The following CAPSL variants were observed in gnomAD, a reference collection of about 807,000 sequenced individuals.
CAPSL encodes calcyphosine like.
Under a neutral mutation model 21.3 loss-of-function variants are expected in CAPSL, and 17 were observed. The observed-to-expected ratio is 0.80, with a 90% CI of 0.55 to 1.20. CAPSL has a LOEUF of 1.20. Ranked by LOEUF, CAPSL falls within the 50% of genes most tolerant of loss-of-function variation. The probability of loss-of-function intolerance (pLI) is 0.00; values close to 1 mark genes in which losing one functional copy is unlikely to be tolerated. For synonymous variants in CAPSL, 102 were observed against 89.3 expected (o/e 1.14, Z -0.80); for missense variants, 289 against 259.3 (o/e 1.11, Z -0.79).
intron 1 of CAPSL, among the ~76,000 whole-genome samples, chr5:35,937,923 G>A (rs543713907): frequency 6.6e-6 from 1 of 152,110 alleles, no homozygotes; most frequent in Non-Finnish European, 1.5e-5. Flanking sequence ...GGCTGCCTGG[G>A]TCATTGGTGT....
intron 2 of CAPSL, among the ~76,000 whole-genome samples, chr5:35,914,332 T>G (rs1021284268): frequency 6.6e-6 from 1 of 152,152 alleles, no homozygotes; most frequent in African/African-American, 2.4e-5. Flanking sequence ...TATCCAGGAA[T>G]TGAACTAAGT....
intron 2 of CAPSL, among the ~76,000 whole-genome samples, chr5:35,919,487 C>A (rs1738480564): frequency 6.6e-6 from 1 of 152,094 alleles, no homozygotes; most frequent in Admixed American, 6.5e-5. Context: ...GATAAAGACT[C>A]AGGGTGGAAA....
intron 4 of CAPSL, among the ~76,000 whole-genome samples, chr5:35,906,487 C>T (rs1456260069): frequency 6.6e-6 from 1 of 152,148 alleles, no homozygotes; most frequent in Non-Finnish European, 1.5e-5. Flanking sequence ...CTCCTTCTCC[C>T]TCCTTTGTCC....
intron 4 of CAPSL, among the ~76,000 whole-genome samples, chr5:35,908,629 TCTC>T (rs1424183196): frequency 6.6e-6 from 1 of 152,154 alleles, no homozygotes; most frequent in Non-Finnish European, 1.5e-5. Flanking sequence ...TCCACTGACA[TCTC>T]AGTGATCAAG....
chr5:35,908,174 G>C (rs939942778), intron 4 of CAPSL, among the ~76,000 whole-genome samples: 1 of 152,196 alleles, frequency 6.6e-6, no homozygotes, highest in Admixed American at 6.5e-5. Context: ...ATACACGTGA[G>C]TGTAAGAGTC....
chr5:35,935,284 T>C (rs1738915831), intron 1 of CAPSL, among the ~76,000 whole-genome samples: 1 of 151,946 alleles, frequency 6.6e-6, no homozygotes, highest in African/African-American at 2.4e-5. Flanking sequence ...CTGTTTGTTG[T>C]CTCGGCATTC....
chr5:35,921,349 A>G (rs958519950), intron 1 of CAPSL, among the ~76,000 whole-genome samples: 1 of 152,226 alleles, frequency 6.6e-6, no homozygotes, highest in African/African-American at 2.4e-5. Flanking sequence ...AATCTTAAAT[A>G]TATCACCATT....
chr5:35,932,284 G>A (rs1363581573), intron 1 of CAPSL, among the ~76,000 whole-genome samples: 1 of 152,140 alleles, frequency 6.6e-6, no homozygotes, highest in Non-Finnish European at 1.5e-5. Context: ...TTACTCTCAT[G>A]TAAAAGAAGA....
intron 4 of CAPSL, among the ~76,000 whole-genome samples, chr5:35,909,570 AG>A (rs1482641983): frequency 2.0e-5 from 3 of 152,226 alleles, no homozygotes; most frequent in Non-Finnish European, 4.4e-5. Flanking sequence ...ATGTTTAATC[AG>A]AACATCACAT....
intron 2 of CAPSL, among the ~76,000 whole-genome samples, chr5:35,919,711 A>T (rs180801778): frequency 5.9e-5 from 9 of 152,336 alleles, no homozygotes; most frequent in Admixed American, 5.9e-4. Flanking sequence ...GGAGAGGGGC[A>T]GCTTCCACTT....
intron 4 of CAPSL, among the ~76,000 whole-genome samples, chr5:35,904,926 G>T (rs1033847781): frequency 2.6e-5 from 4 of 152,120 alleles, no homozygotes; most frequent in Non-Finnish European, 5.9e-5. Context: ...GGAGCCCGTC[G>T]GTTCAGGTAA....
chr5:35,921,206 G>A, intron 1 of CAPSL, 86 bp from the exon 2 acceptor site: 1 of 1,479,664 alleles, frequency 6.8e-7, no homozygotes, highest in Admixed American at 2.2e-5. Context: ...TCACTGAGAA[G>A]GAAATTTACA....
intron 2 of CAPSL, among the ~76,000 whole-genome samples, chr5:35,920,061 G>T (rs1378781430): frequency 2.0e-5 from 3 of 152,278 alleles, no homozygotes; most frequent in East Asian, 3.9e-4. Flanking sequence ...GGCCACCAGG[G>T]TCCATATCCC....
rs185158721 is a variant in CAPSL at position 35,904,569 on chromosome 5, C to T, written c.603G>A (p.Met201Ile). The change falls in exon 5 of 5, where the codon ATG (methionine) becomes ATA (isoleucine). Residue 201 changes from methionine to isoleucine, a missense_variant. Transcript: ENST00000651391. ...SIDTDVYFII[M>I]MRTAWKL ...CTTAAAGCTTCCAGGCGGTTCTCAT[C>T]ATGATGATGAAGTACACATCAGTGT... 3 of 1,613,864 alleles carry T rather than the reference C, an allele frequency of 1.9e-6. No homozygotes were observed. The East Asian group carries it at 6.7e-5, about 36-fold the overall frequency.
At chr5:35,926,409 C>CA (rs1193037901) in intron 1 of CAPSL, among the ~76,000 whole-genome samples, 4 of 152,158 alleles carry the variant, frequency 2.6e-5, no homozygotes, top group Non-Finnish European at 4.4e-5. Context: ...GCAATGGTCC[C>CA]ATTAAGGCTG....
At chr5:35,915,708 A>T (rs1373212329) in intron 2 of CAPSL, among the ~76,000 whole-genome samples, 1 of 152,222 alleles carries the variant, frequency 6.6e-6, no homozygotes, top group African/African-American at 2.4e-5. Context: ...ATGGGACGTT[A>T]TCTCAAAATA....
Position 35,904,493 on chromosome 5 carries a change from A to T in CAPSL, c.*52T>A. 1 of 1,263,672 alleles carries T rather than the reference A, an allele frequency of 7.9e-7. No homozygotes were observed. The highest frequency in any genetic ancestry group is 1.1e-6 in the Non-Finnish European group (1 of 874,630). The allele number at this position is 1,263,672 out of a possible 1,614,324, so 78.3% of individuals were successfully genotyped here. A position where few individuals can be genotyped will look rare whatever the true frequency, so the allele number is the denominator to read the frequency against. The stretch of plus-strand genomic sequence containing the variant: ...GATTCTGGTTTTTGAGCTGACATTT[A>T]GTCATTTGGAGCCACATGGCTGTCC... On this transcript the variant is annotated 3_prime_UTR_variant, in exon 5 of 5. Transcript: ENST00000651391.
At chr5:35,909,302 T>G (rs944031455) in intron 4 of CAPSL, among the ~76,000 whole-genome samples, 2 of 152,180 alleles carry the variant, frequency 1.3e-5, no homozygotes, top group Non-Finnish European at 2.9e-5. Context: ...CAAAGCACAC[T>G]AAAGAATAAA....
At chr5:35,934,400 GA>G (rs1738893953) in intron 1 of CAPSL, among the ~76,000 whole-genome samples, 1 of 152,116 alleles carries the variant, frequency 6.6e-6, no homozygotes, top group African/African-American at 2.4e-5. Flanking sequence ...CGTCACTGCT[GA>G]GCTGAATATT....
Sources: gnomAD v4.1 joint callset for allele counts (sites outside exome capture counted in the v4.1 genomes callset) on GRCh38, gnomAD v4.1.1 for gene constraint, MANE v1.5 for transcripts, NCBI Gene and HGNC (gene_info 2026-07-23, HGNC 2026-07-21) for gene names.